RBFOX1: variants seen among roughly 807,000 people sequenced by gnomAD.
RBFOX1 encodes the protein RNA binding protein fox-1 homolog 1.
A neutral mutation model predicts 57.7 loss-of-function variants in RBFOX1; 8 were observed. That is an observed-to-expected ratio of 0.14 (90% CI 0.08 to 0.25). The LOEUF is 0.25. Among genes scored for constraint, RBFOX1 ranks in the 10% least tolerant of loss-of-function variants. RBFOX1 has a pLI of 1.00. For missense variants in RBFOX1, 611 were observed against 548.5 expected, an observed-to-expected ratio of 1.11 and a Z score of -1.14; for synonymous variants, 326 against 222.4, an observed-to-expected ratio of 1.47 and a Z score of -4.15.
At chr16:7,628,599 A>G (rs1310929917) in intron 10 of RBFOX1, among the ~76,000 whole-genome samples, 1 of 152,054 alleles carries the variant, frequency 6.6e-6, no homozygotes, top group East Asian at 1.9e-4. Flanking sequence ...GGAAAGTATC[A>G]TCTCATACGT....
intron 2 of RBFOX1, among the ~76,000 whole-genome samples, chr16:6,494,155 C>G (rs936862450): frequency 6.6e-6 from 1 of 152,112 alleles, no homozygotes; most frequent in South Asian, 2.1e-4. Flanking sequence ...AATATTTTAC[C>G]AAACTGTAGT....
chr16:7,374,632 T>A (rs1205844309), intron 4 of RBFOX1, among the ~76,000 whole-genome samples: 1 of 152,078 alleles, frequency 6.6e-6, no homozygotes, highest in African/African-American at 2.4e-5. Context: ...ATGTCCAAAC[T>A]AAAAACAAAA....
At chr16:6,154,924 C>A (rs1486362306) in intron 1 of RBFOX1, among the ~76,000 whole-genome samples, 1 of 152,116 alleles carries the variant, frequency 6.6e-6, no homozygotes, top group African/African-American at 2.4e-5. Context: ...ATTCAATTAG[C>A]AAGCAACTAT....
intron 3 of RBFOX1, among the ~76,000 whole-genome samples, chr16:6,688,313 A>G (rs2154130083): frequency 6.6e-6 from 1 of 152,260 alleles, no homozygotes; most frequent in African/African-American, 2.4e-5. Flanking sequence ...AGCACTAGGG[A>G]GATGGTGCTA....
At chr16:6,324,918 C>T (rs1195670091) in intron 2 of RBFOX1, among the ~76,000 whole-genome samples, 1 of 152,176 alleles carries the variant, frequency 6.6e-6, no homozygotes, top group Admixed American at 6.5e-5. Flanking sequence ...GAAATTAGCC[C>T]ATTTTCTCTT....
At chr16:6,380,672 C>T (rs2091720515) in intron 2 of RBFOX1, among the ~76,000 whole-genome samples, 1 of 151,674 alleles carries the variant, frequency 6.6e-6, no homozygotes, top group African/African-American at 2.4e-5. Flanking sequence ...TCATGAGTGT[C>T]CTTGAACAAA....
At chr16:5,707,537 G>C (rs1173482254) in intron 3 of RBFOX1, among the ~76,000 whole-genome samples, 1 of 152,162 alleles carries the variant, frequency 6.6e-6, no homozygotes, top group Non-Finnish European at 1.5e-5. Flanking sequence ...GGAACTCAGA[G>C]AATCATTGAG....
At chr16:7,007,455 C>CTT (rs1568342140) in intron 3 of RBFOX1, among the ~76,000 whole-genome samples, 3 of 152,130 alleles carry the variant, frequency 2.0e-5, no homozygotes, top group African/African-American at 7.2e-5. Flanking sequence ...TAGGTGCATA[C>CTT]TTTTGATAAC....
intron 3 of RBFOX1, among the ~76,000 whole-genome samples, chr16:7,022,059 TCC>T (rs2039450205): frequency 1.1e-5 from 1 of 93,798 alleles, no homozygotes; most frequent in African/African-American, 4.2e-5. Context: ...CCCTTCCCCC[TCC>T]CCTTTCCTTT....
chr16:7,225,243 C>A (rs979722060), intron 4 of RBFOX1, among the ~76,000 whole-genome samples: 2 of 152,096 alleles, frequency 1.3e-5, no homozygotes, highest in Non-Finnish European at 2.9e-5. Flanking sequence ...TGTGTCCCCA[C>A]CCAAATCTCA....
At chr16:7,670,767 A>G (rs1162300358) in intron 13 of RBFOX1, among the ~76,000 whole-genome samples, 1 of 152,228 alleles carries the variant, frequency 6.6e-6, no homozygotes, top group Non-Finnish European at 1.5e-5. Context: ...GTGTTCAGCC[A>G]TCTCAGTGTC....
At chr16:5,820,898 C>T (rs1195736040) in intron 3 of RBFOX1, among the ~76,000 whole-genome samples, 1 of 152,152 alleles carries the variant, frequency 6.6e-6, no homozygotes, top group Non-Finnish European at 1.5e-5. Flanking sequence ...TGATGGTTTT[C>T]CCAACCTCAG....
intron 2 of RBFOX1, among the ~76,000 whole-genome samples, chr16:6,562,372 C>A (rs995716661): frequency 6.6e-6 from 1 of 152,190 alleles, no homozygotes; most frequent in African/African-American, 2.4e-5. Flanking sequence ...GAAATAGTAT[C>A]CATAAACTGT....
chr16:7,296,473 C>G (rs1473967997), intron 4 of RBFOX1, among the ~76,000 whole-genome samples: 1 of 152,030 alleles, frequency 6.6e-6, no homozygotes, highest in Non-Finnish European at 1.5e-5. Context: ...GATAAGAAGT[C>G]TGAGAATCAT....
At chr16:6,883,005 G>A (rs920533312) in intron 3 of RBFOX1, among the ~76,000 whole-genome samples, 3 of 152,088 alleles carry the variant, frequency 2.0e-5, no homozygotes, top group Non-Finnish European at 4.4e-5. Context: ...GAATTGTTAA[G>A]TCCAATCTGC....
intron 2 of RBFOX1, among the ~76,000 whole-genome samples, chr16:6,491,204 T>G (rs1039797982): frequency 2.3e-4 from 35 of 151,642 alleles, no homozygotes; most frequent in African/African-American, 8.0e-4. Flanking sequence ...ATAAACTATA[T>G]ATAGATATAT....
intron 4 of RBFOX1, among the ~76,000 whole-genome samples, chr16:5,894,796 C>T (rs911312503): frequency 5.3e-5 from 8 of 152,114 alleles, no homozygotes; most frequent in South Asian, 2.1e-4. Flanking sequence ...CCGAGGCAGG[C>T]GGATCACGAG....
At chr16:6,170,743 C>G (rs2096954145) in intron 1 of RBFOX1, among the ~76,000 whole-genome samples, 1 of 152,094 alleles carries the variant, frequency 6.6e-6, no homozygotes, top group Non-Finnish European at 1.5e-5. Context: ...TCTCCCTCCT[C>G]CCACCCTCTA....
intron 3 of RBFOX1, among the ~76,000 whole-genome samples, chr16:5,847,335 A>C (rs2880590): frequency 6.7e-6 from 1 of 150,232 alleles, no homozygotes; most frequent in African/African-American, 2.5e-5. Flanking sequence ...AGAACTTCTT[A>C]GCCTCAGTTT....
Sources: allele counts gnomAD v4.1 joint callset (sites outside exome capture counted in the v4.1 genomes callset), GRCh38; gene constraint gnomAD v4.1.1; transcripts MANE v1.5; gene names NCBI Gene and HGNC (gene_info 2026-07-23, HGNC 2026-07-21).